METTL8: variants seen among roughly 807,000 people sequenced by gnomAD.
The protein encoded by METTL8 is methyltransferase 8, tRNA N3-cytidine.
In METTL8, 32 loss-of-function variants were observed where a neutral mutation model predicts 48.7. That is an observed-to-expected ratio of 0.66 (90% confidence interval 0.50 to 0.88). The LOEUF is 0.88. Among genes scored for constraint, METTL8 ranks in the 40% least tolerant of loss-of-function variants. The pLI is 0.00. For missense variants in METTL8, 464 were observed against 474.4 expected (o/e 0.98, Z 0.20); for synonymous variants, 136 against 157.1 (o/e 0.87, Z 1.01).
intron 5 of METTL8, among the ~76,000 whole-genome samples, chr2:171,334,011 T>C (rs1386836942): frequency 6.6e-6 from 1 of 152,174 alleles, no homozygotes; most frequent in Non-Finnish European, 1.5e-5. Flanking sequence ...TTATCATCAC[T>C]ATTATTATTA....
At chr2:171,430,466 G>C (rs111329042) in intron 1 of METTL8, among the ~76,000 whole-genome samples, 2 of 151,998 alleles carry the variant, frequency 1.3e-5, no homozygotes, top group Non-Finnish European at 2.9e-5. Flanking sequence ...AGCAAATCAC[G>C]ATGGCACATG....
At chr2:171,425,954 C>T (rs988294393) in intron 1 of METTL8, among the ~76,000 whole-genome samples, 1 of 151,950 alleles carries the variant, frequency 6.6e-6, no homozygotes, top group Non-Finnish European at 1.5e-5. Context: ...GTCAGGTGTT[C>T]GAGACCAGCC....
chr2:171,394,581 C>T (rs1688882159), intron 1 of METTL8, among the ~76,000 whole-genome samples: 1 of 152,134 alleles, frequency 6.6e-6, no homozygotes, highest in Admixed American at 6.5e-5. Context: ...TGGCAATTTC[C>T]CTACTTAGGC....
chr2:171,428,341 T>G (rs953855508), intron 1 of METTL8, among the ~76,000 whole-genome samples: 2 of 152,328 alleles, frequency 1.3e-5, no homozygotes, highest in African/African-American at 4.8e-5. Context: ...AATCTGCATC[T>G]AAGCTAAAAG....
upstream of METTL8, chr2:171,434,618 G>A (rs537657779): frequency 1.4e-5 from 22 of 1,531,004 alleles, no homozygotes; most frequent in East Asian, 5.2e-4. Context: ...AGCCGGCTGA[G>A]TCGCCGGGCG....
chr2:171,389,212 T>C (rs1688354649), intron 2 of METTL8, among the ~76,000 whole-genome samples: 1 of 152,020 alleles, frequency 6.6e-6, no homozygotes, highest in African/African-American at 2.4e-5. Flanking sequence ...GAAAAGTTCT[T>C]AAAGGAAATT....
At chr2:171,369,115 C>A (rs1330976543) in intron 2 of METTL8, among the ~76,000 whole-genome samples, 3 of 152,036 alleles carry the variant, frequency 2.0e-5, no homozygotes, top group Non-Finnish European at 4.4e-5. Context: ...ACCATACTGG[C>A]TAACACGGTG....
At chr2:171,350,683 T>C (rs1345375023) in intron 3 of METTL8, among the ~76,000 whole-genome samples, 11 of 152,242 alleles carry the variant, frequency 7.2e-5, no homozygotes, top group Non-Finnish European at 7.3e-5. Flanking sequence ...TATCTCATTG[T>C]GGTTTTGATT....
chr2:171,342,238 G>A (rs1686851388), intron 3 of METTL8, among the ~76,000 whole-genome samples: 1 of 152,116 alleles, frequency 6.6e-6, no homozygotes, highest in Admixed American at 6.5e-5. Flanking sequence ...TTCCCATCAA[G>A]GCTGAATTGT....
At chr2:171,398,994 T>C (rs1371301158) in intron 1 of METTL8, among the ~76,000 whole-genome samples, 1 of 152,122 alleles carries the variant, frequency 6.6e-6, no homozygotes, top group Admixed American at 6.6e-5. Context: ...ATGTGAAAAA[T>C]CTGAAAACGT....
chr2:171,357,978 G>A (rs890313983), intron 3 of METTL8, among the ~76,000 whole-genome samples: 10 of 152,038 alleles, frequency 6.6e-5, no homozygotes, highest in African/African-American at 2.4e-4. Context: ...TTACAAGTGT[G>A]AGCCACTTGT....
intron 1 of METTL8, among the ~76,000 whole-genome samples, chr2:171,410,919 G>A (rs1280254300): frequency 6.6e-6 from 1 of 152,180 alleles, no homozygotes. Flanking sequence ...ATATTACTTA[G>A]ATAATATCCT....
At chr2:171,414,924 C>T (rs574014154) in intron 1 of METTL8, among the ~76,000 whole-genome samples, 22 of 152,202 alleles carry the variant, frequency 1.4e-4, no homozygotes, top group Admixed American at 9.2e-4. Context: ...ATAAGTCTCA[C>T]GAGATCTGAT....
In METTL8 at chr2:171,377,896, G is replaced by T. The variant is rs553216540; in HGVS notation, c.143+14147C>A. Among the ~76,000 whole-genome samples, 6 of 152,180 alleles carry T rather than the reference G, an allele frequency of 3.9e-5. No individual in the cohort carries two copies. The East Asian group carries it at 9.6e-4, about 24-fold the overall frequency. On this transcript the variant is annotated intron_variant, in intron 2 of 9. Coordinates refer to ENST00000375258, the MANE Select transcript of METTL8 (RefSeq NM_001321154.2). ...TTACTGGGTATCTCCCAAAGGAAAAGAAGTAATTATATGGAAAAAAACAAA... is the reference window on the plus strand; with the variant it reads ...TTACTGGGTATCTCCCAAAGGAAAATAAGTAATTATATGGAAAAAAACAAA...
At position 171,330,499 on chromosome 2, in the gene METTL8, G is replaced by A. The variant is rs779808228; in HGVS notation, c.860+60C>T. 359 of 1,522,362 alleles carry A rather than the reference G, an allele frequency of 2.4e-4. 2 individuals carry two copies. Among genetic ancestry groups the A allele is most frequent in the Admixed American group, 3.7e-4 (18 of 48,366 alleles). 94.3% of individuals were successfully genotyped at this position (1,522,362 alleles called of 1,614,324 possible). On this transcript the variant is annotated intron_variant, in intron 7 of 9. Transcript: ENST00000375258. ...TTGTCATTTTTGCTTTGATAGTTCT[G>A]AAAACCACTACTGATAAAGGAGCTT...
At position 171,372,905 on chromosome 2, in the gene METTL8, C is replaced by T. The variant is rs577294411; in HGVS notation, c.144-12392G>A. The stretch of plus-strand genomic sequence containing the variant: ...TCACTGATGGACATTTGGATTGGTT[C>T]CAAGTCTTTGCTATTGTGAATAGTG... On this transcript the variant is annotated intron_variant, in intron 2 of 9. Coordinates refer to ENST00000375258, the MANE Select transcript of METTL8 (RefSeq NM_001321154.2). 9.8e-4 allele frequency among the ~76,000 whole-genome samples: 149 copies of T among 152,240 alleles called. 1 individual carries two copies. Among genetic ancestry groups the T allele is most frequent in the African/African-American group, 3.4e-3 (142 of 41,542 alleles).
chr2:171,379,569 G>A (rs1030687209), intron 2 of METTL8, among the ~76,000 whole-genome samples: 1 of 152,036 alleles, frequency 6.6e-6, no homozygotes, highest in Non-Finnish European at 1.5e-5. Context: ...TGATAAAGGG[G>A]ATATCACCAC....
At chr2:171,375,162 G>T in intron 2 of METTL8, 3 of 1,472,972 alleles carry the variant, frequency 2.0e-6, no homozygotes, top group Non-Finnish European at 1.9e-6. Flanking sequence ...TTCGAATGAC[G>T]AATTTCTTAA....
chr2:171,431,222 T>C (rs1692980459), intron 1 of METTL8, among the ~76,000 whole-genome samples: 1 of 151,766 alleles, frequency 6.6e-6, no homozygotes, highest in Non-Finnish European at 1.5e-5. Context: ...ATGCCCACAA[T>C]AGAAAATTCC....
Sources: allele counts gnomAD v4.1 joint callset (sites outside exome capture counted in the v4.1 genomes callset), GRCh38; gene constraint gnomAD v4.1.1; transcripts MANE v1.5; gene names NCBI Gene and HGNC (gene_info 2026-07-23, HGNC 2026-07-21).